NR3C1: variants seen among roughly 807,000 people sequenced by gnomAD.
NR3C1 encodes the protein glucocorticoid receptor.
In NR3C1, 14 loss-of-function variants were observed where a neutral mutation model predicts 74.0. The ratio of observed to expected loss-of-function variants is 0.19; its 90% CI spans 0.12 to 0.30. The LOEUF (loss-of-function observed/expected upper bound fraction) is 0.30, where lower values mean the gene tolerates loss of function less well. Among genes scored for constraint, NR3C1 ranks in the 10% least tolerant of loss-of-function variants. NR3C1 has a pLI of 1.00. For missense variants in NR3C1, 695 were observed against 909.8 expected (o/e 0.76, Z 3.04); for synonymous variants, 308 against 332.5 (o/e 0.93, Z 0.80).
chr5:143,382,248 T>C (rs4128428), intron 2 of NR3C1, among the ~76,000 whole-genome samples: 19,724 of 152,106 alleles, frequency 0.13, 1,486 homozygotes, highest in Middle Eastern at 0.3. Flanking sequence ...ACCCCCACAA[T>C]TGCATGCTTG....
Position 143,300,890 on chromosome 5 carries a change from T to A in NR3C1, c.1469-127A>T. Reference sequence around the variant, plus strand: ...TGGGAGAAATATTTTATTTAGCAATTATGATAAAGTGACATGGAAAAGGAG... The same window carrying A: ...TGGGAGAAATATTTTATTTAGCAATAATGATAAAGTGACATGGAAAAGGAG... On this transcript the variant is annotated intron_variant, in intron 4 of 8. Transcript: ENST00000394464. The surrounding 1 kb of genome is among the most constrained non-coding windows in gnomAD (Gnocchi z 5.2). 1 of 1,045,612 alleles carries A rather than the reference T, an allele frequency of 9.6e-7. No individual in the cohort carries two copies. The highest frequency in any genetic ancestry group is 1.4e-6 in the Non-Finnish European group (1 of 739,784). 64.8% of individuals were successfully genotyped at this position (1,045,612 alleles called of 1,614,324 possible). A position where few individuals can be genotyped will look rare whatever the true frequency, so the allele number is the denominator to read the frequency against.
Position 143,282,595 on chromosome 5 carries a change from C to G in NR3C1, c.2154G>C (p.Leu718=). The G allele has an allele frequency of 6.2e-7, 1 of 1,613,836 alleles. No individual in the cohort carries two copies. The highest frequency in any genetic ancestry group is 1.1e-5 in the South Asian group (1 of 91,072). ...SSQNWQRFYQ[L]TKLLDSMHEV... ...CATGCATAGAATCCAAGAGTTTTGT[C>G]AGTTGATAAAACCGCTGCCAGTTCT... Residue 718 remains leucine (L), a synonymous_variant, in exon 8 of 9, where the codon CTG becomes CTC. Transcript: ENST00000394464.
At chr5:143,365,995 T>G (rs1833109854) in intron 2 of NR3C1, among the ~76,000 whole-genome samples, 1 of 152,204 alleles carries the variant, frequency 6.6e-6, no homozygotes, top group South Asian at 2.1e-4. Flanking sequence ...TCTTAAGGGA[T>G]GCAGTGAAAG....
intron 2 of NR3C1, among the ~76,000 whole-genome samples, chr5:143,375,215 TCTAAAAG>T (rs1284472163): frequency 1.3e-5 from 2 of 152,112 alleles, no homozygotes; most frequent in Non-Finnish European, 2.9e-5. Flanking sequence ...ACATAAAACT[TCTAAAAG>T]AAAAATGTAA....
chr5:143,434,545 CACTTTAATGAAGCA>C, exon 1 of NR3C1: 1 of 985,408 alleles, frequency 1.0e-6, no homozygotes, highest in Non-Finnish European at 1.2e-6. Flanking sequence ...CCTTCTCAGA[CACTTTAATGAAGCA>C]AAGTCTTCTT....
chr5:143,405,361 C>G (rs1600656602), upstream of NR3C1: 1 of 985,238 alleles, frequency 1.0e-6, no homozygotes, highest in Non-Finnish European at 1.2e-6. Context: ...CTGACGGCGG[C>G]TCCCCCTGCT....
intron 1 of NR3C1, among the ~76,000 whole-genome samples, chr5:143,401,758 T>C (rs1377318290): frequency 2.0e-5 from 3 of 152,210 alleles, no homozygotes; most frequent in Non-Finnish European, 1.5e-5. Flanking sequence ...TCCAAACAAA[T>C]ATCGAAGTAC....
chr5:143,402,572 T>C, intron 1 of NR3C1: 4 of 984,000 alleles, frequency 4.1e-6, no homozygotes, highest in Non-Finnish European at 4.8e-6. Flanking sequence ...GAGAAAAAAG[T>C]GCGAGGTTAA....
chr5:143,288,925 C>T (rs546777404), intron 7 of NR3C1, among the ~76,000 whole-genome samples: 132 of 151,752 alleles, frequency 8.7e-4, no homozygotes, highest in African/African-American at 3.0e-3. Flanking sequence ...GCCAACATGG[C>T]GAAACCCCGT....
intron 2 of NR3C1, among the ~76,000 whole-genome samples, chr5:143,326,525 A>G (rs1824637251): frequency 6.6e-6 from 1 of 152,214 alleles, no homozygotes; most frequent in South Asian, 2.1e-4. Context: ...TAACATGAAG[A>G]CTACATTTCA....
At chr5:143,399,533 A>T in intron 2 of NR3C1, 123 bp downstream of exon 2, 1 of 798,956 alleles carries the variant, frequency 1.3e-6, no homozygotes, top group Non-Finnish European at 2.0e-6. Flanking sequence ...AAGGCCACTT[A>T]AACTTATTCA....
At chr5:143,331,765 C>T (rs530131643) in intron 2 of NR3C1, among the ~76,000 whole-genome samples, 4 of 152,296 alleles carry the variant, frequency 2.6e-5, no homozygotes, top group African/African-American at 9.6e-5. Context: ...AAGGGAAGGA[C>T]AGACACTGGG....
In NR3C1 at chr5:143,279,480, A is replaced by ATTCAAGCAGTTTTCT; in HGVS notation, c.*2394_*2408dup. On this transcript the variant is annotated 3_prime_UTR_variant, in exon 9 of 9. Coordinates refer to ENST00000394464, the MANE Select transcript of NR3C1 (RefSeq NM_000176.3). Reference sequence around the variant, plus strand: ...ACTTAACACTGTCATTGATAAGAATATTCAAGCAGTTTTCTTAGGCACCAA... The same window carrying ATTCAAGCAGTTTTCT: ...ACTTAACACTGTCATTGATAAGAATATTCAAGCAGTTTTCTTTCAAGCAGTTTTCTTAGGCACCAA... The ATTCAAGCAGTTTTCT allele has an allele frequency of 7.0e-7, 1 of 1,432,362 alleles. No individual in the cohort carries two copies. 88.7% of individuals were successfully genotyped at this position (1,432,362 alleles called of 1,614,324 possible).
Position 143,399,797 on chromosome 5 carries a change from T to C in NR3C1, c.1043A>G (p.Lys348Arg). 1.9e-6 allele frequency: 3 copies of C among 1,614,212 alleles called. No individual in the cohort carries two copies. Among genetic ancestry groups the C allele is most frequent in the Non-Finnish European group, 2.5e-6 (3 of 1,180,032 alleles). The part of the protein sequence containing the change: ...TASLSQQQDQ[K>R]PIFNVIPPIP... ...TGGTGGAATGACATTAAAAATAGGC[T>C]TCTGATCCTGCTGTTGAGAAAGGGA... is the stretch of plus-strand genomic sequence containing the variant. The change falls in exon 2 of 9, where the codon AAG (lysine) becomes AGG (arginine). Residue 348 changes from lysine (K) to arginine (R), a missense_variant. Lys to Arg is a conservative substitution (Grantham distance 26). Transcript: ENST00000394464.
chr5:143,285,970 TAAAAAA>T (rs200720817), intron 7 of NR3C1, among the ~76,000 whole-genome samples: 1 of 81,894 alleles, frequency 1.2e-5, no homozygotes, highest in East Asian at 2.6e-4. Context: ...CCAGACTGAT[TAAAAAA>T]AAAAAAAAAA....
At chr5:143,302,527 T>G (rs1818709793) in intron 4 of NR3C1, among the ~76,000 whole-genome samples, 1 of 152,026 alleles carries the variant, frequency 6.6e-6, no homozygotes, top group African/African-American at 2.4e-5. Context: ...AGTCATAACT[T>G]TAAATGGTTT....
chr5:143,389,860 T>C (rs1030916837), intron 2 of NR3C1: 1 of 701,016 alleles, frequency 1.4e-6, no homozygotes, highest in African/African-American at 1.9e-5. Context: ...AGAAAACCTG[T>C]TAGCAGTAAA....
intron 5 of NR3C1, among the ~76,000 whole-genome samples, chr5:143,299,548 G>C (rs894375470): frequency 1.3e-5 from 2 of 152,100 alleles, no homozygotes; most frequent in Non-Finnish European, 2.9e-5. Flanking sequence ...ACAACAGGAT[G>C]ACTATAGTTA....
Position 143,356,874 on chromosome 5 carries a change from G to A in NR3C1, c.1185-42706C>T, listed in dbSNP as rs188272414. Among the ~76,000 whole-genome samples, 61 of 152,274 alleles carry A rather than the reference G, an allele frequency of 4.0e-4. 1 individual carries two copies. The highest frequency in any genetic ancestry group is 1.4e-3 in the African/African-American group (57 of 41,556). On this transcript the variant is annotated intron_variant, in intron 2 of 8. Coordinates refer to ENST00000394464, the MANE Select transcript of NR3C1 (RefSeq NM_000176.3). ...CACAGAATACTAGGATTAGTTTACAGGTCAGAGTACACACGTTATTTCTAA... is the reference window on the plus strand; with the variant it reads ...CACAGAATACTAGGATTAGTTTACAAGTCAGAGTACACACGTTATTTCTAA...
Sources: allele counts gnomAD v4.1 joint callset (sites outside exome capture counted in the v4.1 genomes callset), GRCh38; gene constraint gnomAD v4.1.1; non-coding constraint Gnocchi (gnomAD v3.1); transcripts MANE v1.5; gene names NCBI Gene and HGNC (gene_info 2026-07-23, HGNC 2026-07-21).